Variants in STK26 observed in about 807,000 individuals in gnomAD.
The protein encoded by STK26 is serine/threonine kinase 26, also known as serine/threonine-protein kinase 26.
In STK26, 14 loss-of-function variants were observed where a neutral mutation model predicts 34.7. The ratio of observed to expected loss-of-function variants is 0.40; its 90% CI spans 0.27 to 0.63. The LOEUF (loss-of-function observed/expected upper bound fraction) is 0.63. Ranked by LOEUF, STK26 falls within the 30% of genes least tolerant of loss-of-function variation. STK26 has a pLI of 0.38. For missense variants in STK26, 226 were observed against 309.1 expected, an observed-to-expected ratio of 0.73 and a Z score of 2.02; for synonymous variants, 100 against 109.8, an observed-to-expected ratio of 0.91 and a Z score of 0.56.
At chrX:132,064,318 C>T (rs1253167514) in intron 4 of STK26, among the ~76,000 whole-genome samples, 6 of 111,832 alleles carry the variant, frequency 5.4e-5, no homozygotes, top group Non-Finnish European at 3.8e-5. Context: ...AATGTGATGG[C>T]ATTTGGGTTG....
Position 132,044,772 on chromosome X carries a change from GATCTATATATATATTTAT to G in STK26, c.43-9856_43-9839del, listed in dbSNP as rs1569330214. Among the ~76,000 whole-genome samples, 166 of 37,527 alleles carry G rather than the reference GATCTATATATATATTTAT, an allele frequency of 4.4e-3. 9 individuals are homozygous for G. The highest frequency in any genetic ancestry group is 9.7e-3 in the African/African-American group (75 of 7,733). The allele number at this position is 37,527 out of a possible 115,157, so 32.6% of individuals were successfully genotyped here. A position where few individuals can be genotyped will look rare whatever the true frequency, so the allele number is the denominator to read the frequency against. On this transcript the variant is annotated intron_variant, in intron 2 of 11. Transcript: ENST00000394334. ...ATATATATTTATATATATATAGAGAGATCTATATATATATTTATATATATAGAGAGAGATCTATATATA... is the reference window on the plus strand; with the variant it reads ...ATATATATTTATATATATATAGAGAGATATATAGAGAGAGATCTATATATA...
intron 9 of STK26, 94 bp from the exon 10 acceptor site, chrX:132,072,719 A>G: frequency 1.1e-6 from 1 of 911,265 alleles, no homozygotes; most frequent in Non-Finnish European, 1.6e-6. Flanking sequence ...TGTTTTCAGT[A>G]GGGGATTCAA....
At chrX:132,041,582 C>T (rs1332554049) in intron 2 of STK26, among the ~76,000 whole-genome samples, 1 of 110,576 alleles carries the variant, frequency 9.0e-6, no homozygotes, top group Non-Finnish European at 1.9e-5. Context: ...TCATTTATCT[C>T]CATCCTGAGG....
intron 3 of STK26, among the ~76,000 whole-genome samples, chrX:132,059,395 C>T (rs960401314): frequency 8.9e-6 from 1 of 112,033 alleles, no homozygotes; most frequent in African/African-American, 3.2e-5. Context: ...TAGTGATTTC[C>T]TTGAGACATG....
intron 2 of STK26, among the ~76,000 whole-genome samples, chrX:132,037,442 G>A (rs1472641777): frequency 8.9e-6 from 1 of 111,942 alleles, no homozygotes; most frequent in African/African-American, 3.2e-5. Flanking sequence ...GGATTGAATT[G>A]AACATTATCT....
chrX:132,059,325 G>C (rs1389511278), intron 3 of STK26, among the ~76,000 whole-genome samples: 1 of 112,194 alleles, frequency 8.9e-6, no homozygotes, highest in Non-Finnish European at 1.9e-5. Context: ...CTGTAAGCTG[G>C]AGGAAAAGTT....
intron 2 of STK26, among the ~76,000 whole-genome samples, chrX:132,043,786 G>A (rs1243644917): frequency 4.5e-5 from 5 of 111,044 alleles, no homozygotes; most frequent in East Asian, 2.8e-4. Flanking sequence ...TTGTAGATGT[G>A]CTTCTAGAAT....
At chrX:132,025,179 C>T (rs1935072218) in intron 2 of STK26, among the ~76,000 whole-genome samples, 1 of 110,655 alleles carries the variant, frequency 9.0e-6, no homozygotes, top group African/African-American at 3.3e-5. Context: ...GAAAAAGTGA[C>T]ATTTTCTCAC....
At position 132,071,119 on chromosome X, in the gene STK26, A is replaced by G. The variant is rs139399862; in HGVS notation, c.834A>G (p.Ser278=). 616 of 1,207,191 alleles carry G rather than the reference A, an allele frequency of 5.1e-4. No homozygotes were observed. The highest frequency in any genetic ancestry group is 6.5e-4 in the Non-Finnish European group (580 of 892,689). ...AACACAAATTCATTGTAAAAAATTCAAAGAAGACTTCTTATCTGACTGAAC... is the reference window on the plus strand; with the variant it reads ...AACACAAATTCATTGTAAAAAATTCGAAGAAGACTTCTTATCTGACTGAAC... ...LLKHKFIVKN[S]KKTSYLTELI... The change falls in exon 8 of 12, where the codon TCA becomes TCG. Residue 278 remains serine, a synonymous_variant. Transcript: ENST00000394334.
At chrX:132,026,563 C>G (rs1007592401) in intron 2 of STK26, among the ~76,000 whole-genome samples, 22 of 111,922 alleles carry the variant, frequency 2.0e-4, no homozygotes, top group Admixed American at 4.7e-4. Context: ...GATTCAAACC[C>G]TGTTTTCTTT....
At chrX:132,030,402 C>T (rs1450126288) in intron 2 of STK26, among the ~76,000 whole-genome samples, 1 of 110,265 alleles carries the variant, frequency 9.1e-6, no homozygotes, top group Non-Finnish European at 1.9e-5. Flanking sequence ...TTGTTTCTTC[C>T]CTCTTCCCTC....
chrX:132,056,632 A>T (rs748379652), intron 3 of STK26, among the ~76,000 whole-genome samples: 23 of 111,414 alleles, frequency 2.1e-4, no homozygotes, highest in African/African-American at 6.5e-4. Flanking sequence ...CTAATGAGTG[A>T]TGCCCATGGA....
chrX:132,042,010 G>A (rs2124148506), intron 2 of STK26, among the ~76,000 whole-genome samples: 1 of 111,763 alleles, frequency 8.9e-6, no homozygotes, highest in East Asian at 2.8e-4. Flanking sequence ...AATTTCAGTA[G>A]CATTTTCTCC....
chrX:132,065,869 A>G (rs772402958), intron 4 of STK26, among the ~76,000 whole-genome samples: 1 of 112,190 alleles, frequency 8.9e-6, no homozygotes, highest in Non-Finnish European at 1.9e-5. Context: ...AACTCATTTA[A>G]CTAGACTTTA....
intron 2 of STK26, among the ~76,000 whole-genome samples, chrX:132,027,402 A>T (rs752419542): frequency 1.8e-5 from 2 of 112,379 alleles, no homozygotes; most frequent in Non-Finnish European, 3.8e-5. Context: ...AGGCTAAGCT[A>T]TGATGTTCGG....
At chrX:132,052,986 G>A (rs2124168023) in intron 2 of STK26, among the ~76,000 whole-genome samples, 1 of 111,985 alleles carries the variant, frequency 8.9e-6, no homozygotes, top group East Asian at 2.8e-4. Flanking sequence ...AGGTAACTGT[G>A]GGTTAGCCAC....
At chrX:132,059,098 G>A (rs1926962030) in intron 3 of STK26, among the ~76,000 whole-genome samples, 1 of 111,325 alleles carries the variant, frequency 9.0e-6, no homozygotes, top group African/African-American at 3.3e-5. Flanking sequence ...CTAAAATCAC[G>A]TCAAATATAA....
chrX:132,073,255 A>G (rs150666996), intron 11 of STK26, among the ~76,000 whole-genome samples, 162 bp downstream of exon 11: 3,146 of 112,397 alleles, frequency 0.028, 54 homozygotes, highest in Middle Eastern at 0.065. Flanking sequence ...TCTGTTGTCT[A>G]TCTTAAACAT....
chrX:132,056,422 T>C (rs1926860673), intron 3 of STK26, among the ~76,000 whole-genome samples: 1 of 111,972 alleles, frequency 8.9e-6, no homozygotes, highest in Admixed American at 9.5e-5. Context: ...TTGAGATTAG[T>C]GTTGACAAAG....
Sources: allele counts gnomAD v4.1 joint callset (sites outside exome capture counted in the v4.1 genomes callset), GRCh38; gene constraint gnomAD v4.1.1; transcripts MANE v1.5; gene names NCBI Gene and HGNC (gene_info 2026-07-23, HGNC 2026-07-21).